CAPN2: variants seen among roughly 807,000 people sequenced by gnomAD.
The protein encoded by CAPN2 is calpain 2, also known as calpain-2 catalytic subunit.
Under a neutral mutation model 102.3 loss-of-function variants are expected in CAPN2, and 92 were observed. The ratio of observed to expected loss-of-function variants is 0.90; its 90% CI spans 0.76 to 1.07. The LOEUF is 1.07. Among genes scored for constraint, CAPN2 ranks in the 50% least tolerant of loss-of-function variants. The pLI is 0.00. For synonymous variants in CAPN2, 340 were observed against 355.4 expected (o/e 0.96, Z 0.49); for missense variants, 800 against 909.4 (o/e 0.88, Z 1.55).
chr1:223,710,198 CCCGGGA>C (rs1249944340), upstream of CAPN2, among the ~76,000 whole-genome samples: 4 of 152,100 alleles, frequency 2.6e-5, no homozygotes, highest in Non-Finnish European at 5.9e-5. Flanking sequence ...ATCGCTGGAA[CCCGGGA>C]GGCAGAAGAT....
At chr1:223,707,187 A>G (rs7555491) in intron 1 of CAPN2, among the ~76,000 whole-genome samples, 29,640 of 151,960 alleles carry the variant, frequency 0.2, 3,249 homozygotes, top group African/African-American at 0.29. Flanking sequence ...ACTGAAAAAG[A>G]TTCCATTGCC....
At chr1:223,747,188 A>G in intron 5 of CAPN2, 23 bp downstream of exon 5, 3 of 1,589,370 alleles carry the variant, frequency 1.9e-6, no homozygotes, top group Non-Finnish European at 2.6e-6. Flanking sequence ...TGCCTTCCCT[A>G]GCCTCACCCC....
chr1:223,722,599 T>G (rs1005053176), intron 2 of CAPN2, among the ~76,000 whole-genome samples: 4 of 152,172 alleles, frequency 2.6e-5, no homozygotes, highest in Non-Finnish European at 5.9e-5. Context: ...AAATAATTTT[T>G]AAATTATAAA....
Position 223,766,373 on chromosome 1 carries a change from A to G in CAPN2, c.1697A>G (p.Asp566Gly), listed in dbSNP as rs1020234831. 6.8e-6 allele frequency: 11 copies of G among 1,613,510 alleles called. No homozygotes were observed. In the African/African-American group the frequency reaches 1.3e-4, roughly 20 times the overall value. ...CACTGATTTTGTCTTTTAGGCCAAG[A>G]TATCAAGTCAGATGGCTTCAGCATC... is the stretch of plus-strand genomic sequence containing the variant. Reference protein sequence around the residue: ...ILRRVLAKRQDIKSDGFSIET... With the variant: ...ILRRVLAKRQGIKSDGFSIET... Residue 566 changes from aspartate to glycine, a missense_variant, in exon 16 of 21, where the codon GAT (aspartate) becomes GGT (glycine). Transcript: ENST00000295006.
intron 19 of CAPN2, 96 bp from the exon 20 acceptor site, chr1:223,772,085 T>G (rs111553815): frequency 1.6e-6 from 2 of 1,217,310 alleles, no homozygotes; most frequent in Non-Finnish European, 2.4e-6. Context: ...AAAGCATGTA[T>G]GGTGGTCAGT....
rs769036691 is a variant in CAPN2 at position 223,745,275 on chromosome 1, C to G, written c.427-31C>G. 15 of 1,613,778 alleles carry G rather than the reference C, an allele frequency of 9.3e-6. No individual in the cohort carries two copies. In the South Asian group the frequency reaches 1.6e-4, roughly 18 times the overall value. ...CAGAGTCCCAGTGCTGCCACCAGCT[C>G]CTCCTGCAGCCCACCTCTCTTGTTC... On this transcript the variant is annotated intron_variant, in intron 3 of 20. Transcript: ENST00000295006.
intron 2 of CAPN2, among the ~76,000 whole-genome samples, chr1:223,723,818 G>A (rs530798957): frequency 4.2e-5 from 6 of 141,618 alleles, no homozygotes; most frequent in Non-Finnish European, 6.1e-5. Context: ...AGCTCTCCCT[G>A]CCCCCTCTCC....
intron 6 of CAPN2, chr1:223,749,378 CCT>C: frequency 1.7e-6 from 1 of 580,166 alleles, no homozygotes; most frequent in Non-Finnish European, 3.1e-6. Flanking sequence ...TAGATGTTAC[CCT>C]GTTTTACAGT....
rs1029923390 is a variant in CAPN2, at chr1:223,727,540, G to A, written c.307+9709G>A. On this transcript the variant is annotated intron_variant, in intron 2 of 20. Transcript: ENST00000295006. The surrounding 1 kb of genome is among the most constrained non-coding windows in gnomAD (Gnocchi z 4.1). Reference sequence around the variant, plus strand: ...TACTGTGGGGGTCACTGGGCACACAGAATGCCATTTGGGGAGCCTGGTGCA... The same window carrying A: ...TACTGTGGGGGTCACTGGGCACACAAAATGCCATTTGGGGAGCCTGGTGCA... Among the ~76,000 whole-genome samples the A allele has an allele frequency of 1.3e-5, 2 of 152,226 alleles. No individual in the cohort carries two copies. The highest frequency in any genetic ancestry group is 4.8e-5 in the African/African-American group (2 of 41,468).
chr1:223,746,475 CTTTTTT>C (rs60366533), intron 4 of CAPN2, among the ~76,000 whole-genome samples: 2 of 108,496 alleles, frequency 1.8e-5, no homozygotes, highest in African/African-American at 4.4e-5. Context: ...CTACGAGAAT[CTTTTTT>C]TTTTTTTTTT....
In CAPN2 at chr1:223,756,467, G is replaced by T. The variant is rs1364545472; in HGVS notation, c.1305+818G>T. The stretch of plus-strand genomic sequence containing the variant: ...TTTTCTCTGACCCATGTCTGCTGAG[G>T]TCCTTCAGCAGCCTGAAAAATGGCC... On this transcript the variant is annotated intron_variant, in intron 10 of 20. Coordinates refer to ENST00000295006, the MANE Select transcript of CAPN2 (RefSeq NM_001748.5). The surrounding 1 kb of genome is among the most constrained non-coding windows in gnomAD (Gnocchi z 4.1). 3.3e-5 allele frequency among the ~76,000 whole-genome samples: 5 copies of T among 152,164 alleles called. No homozygotes were observed. The highest frequency in any genetic ancestry group is 2.1e-4 in the South Asian group (1 of 4,834).
rs564221041 is a variant in CAPN2, at chr1:223,772,104, T to G, written c.2021-77T>G. 2.9e-6 allele frequency: 4 copies of G among 1,392,152 alleles called. No individual in the cohort carries two copies. In the South Asian group the frequency reaches 4.6e-5, roughly 16 times the overall value. The allele number at this position is 1,392,152 out of a possible 1,614,324, so 86.2% of individuals were successfully genotyped here. A position where few individuals can be genotyped will look rare whatever the true frequency, so the allele number is the denominator to read the frequency against. ...CATGTATGGTGGTCAGTGAAGTCAG[T>G]TGCTGAACTGAAAAGAGGATAATGT... On this transcript the variant is annotated intron_variant, in intron 19 of 20. Transcript: ENST00000295006.
rs1660223716 is a variant in CAPN2 at position 223,727,363 on chromosome 1, T to C, written c.307+9532T>C. 6.6e-6 allele frequency among the ~76,000 whole-genome samples: 1 copy of C among 152,248 alleles called. No homozygotes were observed. The highest frequency in any genetic ancestry group is 1.5e-5 in the Non-Finnish European group (1 of 68,046). Reference sequence around the variant, plus strand: ...TCCTGTGAATTATAGGATGTTTAGCTGCATCCTTGGCCTCTACCCACACAC... The same window carrying C: ...TCCTGTGAATTATAGGATGTTTAGCCGCATCCTTGGCCTCTACCCACACAC... On this transcript the variant is annotated intron_variant, in intron 2 of 20. Coordinates refer to ENST00000295006, the MANE Select transcript of CAPN2 (RefSeq NM_001748.5). This position sits in a 1 kb window ranked among gnomAD's most constrained non-coding sequence, Gnocchi z 4.1.
Position 223,755,464 on chromosome 1 carries a change from C to A in CAPN2, c.1136-16C>A, listed in dbSNP as rs976412349. ...CCTGCTCAGGGCTGGGCTCCTCTGC[C>A]CCTTTCTGGCTGCAGACACATTCTG... On this transcript the variant is annotated splice_polypyrimidine_tract_variant and intron_variant, in intron 9 of 20. Coordinates refer to ENST00000295006, the MANE Select transcript of CAPN2 (RefSeq NM_001748.5). The surrounding 1 kb of genome is among the most constrained non-coding windows in gnomAD (Gnocchi z 4.1). 14 of 1,613,576 alleles carry A rather than the reference C, an allele frequency of 8.7e-6. No individual in the cohort carries two copies. The highest frequency in any genetic ancestry group is 1.2e-5 in the Non-Finnish European group (14 of 1,179,814).
intron 15 of CAPN2, among the ~76,000 whole-genome samples, chr1:223,766,027 GCT>G (rs1372176391): frequency 4.6e-5 from 7 of 152,310 alleles, no homozygotes; most frequent in Admixed American, 1.3e-4. Context: ...TAACACACCT[GCT>G]CTCTGTTTTC....
At chr1:223,716,419 G>C (rs777426159) in intron 1 of CAPN2, among the ~76,000 whole-genome samples, 12 of 152,140 alleles carry the variant, frequency 7.9e-5, no homozygotes, top group Non-Finnish European at 1.6e-4. Context: ...GGCCAAGCTG[G>C]CTTCCTTTGC....
chr1:223,769,911 T>C lies in CAPN2; in HGVS notation c.1824+2T>C, dbSNP rs768599694. On this transcript the variant is annotated splice_donor_variant, in intron 17 of 20. Transcript: ENST00000295006. LOFTEE classifies it high-confidence loss of function. Reference sequence around the variant, plus strand: ...TGGACGAAGATTCAAAAATACCAAGTAAGATCCCAGAGATGCGGGTGGATC... The same window carrying C: ...TGGACGAAGATTCAAAAATACCAAGCAAGATCCCAGAGATGCGGGTGGATC... 2 of 1,593,378 alleles carry C rather than the reference T, an allele frequency of 1.3e-6. No homozygotes were observed. The highest frequency in any genetic ancestry group is 2.3e-5 in the South Asian group (2 of 87,490).
At chr1:223,773,911 G>C (rs1661547141) in intron 20 of CAPN2, among the ~76,000 whole-genome samples, 2 of 151,990 alleles carry the variant, frequency 1.3e-5, no homozygotes, top group Non-Finnish European at 2.9e-5. Context: ...GTGCGTGCCT[G>C]TAGACCCAGC....
rs150756096 is a variant in CAPN2 at position 223,759,634 on chromosome 1, G to C, written c.1529+153G>C. On this transcript the variant is annotated intron_variant, in intron 12 of 20. Transcript: ENST00000295006. This position sits in a 1 kb window ranked among gnomAD's most constrained non-coding sequence, Gnocchi z 4.6. ...CGAAGGACTAGTGTGGGGATTTGAT[G>C]GATTGAGGAAGTTCTAGTGTTATAG... Among the ~76,000 whole-genome samples, 11 of 152,232 alleles carry C rather than the reference G, an allele frequency of 7.2e-5. No individual in the cohort carries two copies. The highest frequency in any genetic ancestry group is 1.3e-4 in the Non-Finnish European group (9 of 68,008).
Sources: gnomAD v4.1 joint callset for allele counts (sites outside exome capture counted in the v4.1 genomes callset) on GRCh38, gnomAD v4.1.1 for gene constraint, Gnocchi (gnomAD v3.1) non-coding constraint, MANE v1.5 for transcripts, NCBI Gene and HGNC (gene_info 2026-07-23, HGNC 2026-07-21) for gene names.